Variants in EIF4E3 observed in about 807,000 individuals in gnomAD.
EIF4E3 encodes eukaryotic translation initiation factor 4E family member 3, also known as eukaryotic translation initiation factor 4E type 3.
A neutral mutation model predicts 31.7 loss-of-function variants in EIF4E3; 26 were observed. That is an observed-to-expected ratio of 0.82 (90% CI 0.60 to 1.14). EIF4E3 has a LOEUF of 1.14. Ranked by LOEUF, EIF4E3 falls within the 50% of genes most tolerant of loss-of-function variation. The pLI is 0.00. For missense variants in EIF4E3, 304 were observed against 270.9 expected (o/e 1.12, Z -0.86); for synonymous variants, 128 against 107.7 (o/e 1.19, Z -1.17).
the EIF4E3 span, among the ~76,000 whole-genome samples, chr3:71,659,941 G>C: frequency 1.3e-5 from 2 of 152,128 alleles, no homozygotes; most frequent in African/African-American, 4.8e-5. Context: ...CTAGGACTTT[G>C]CTATTCAGCC....
chr3:71,717,949 A>G (rs1181594554), intron 1 of EIF4E3, among the ~76,000 whole-genome samples: 2 of 152,260 alleles, frequency 1.3e-5, no homozygotes, highest in Admixed American at 1.3e-4. Flanking sequence ...TATGTGGTAC[A>G]GTATATCCAA....
chr3:71,723,353 A>G (rs1304160774), intron 1 of EIF4E3, among the ~76,000 whole-genome samples: 1 of 152,246 alleles, frequency 6.6e-6, no homozygotes, highest in Non-Finnish European at 1.5e-5. Flanking sequence ...CATATGTACA[A>G]TATTGGAACT....
chr3:71,748,556 C>A (rs948173258), intron 1 of EIF4E3, among the ~76,000 whole-genome samples: 1 of 152,078 alleles, frequency 6.6e-6, no homozygotes, highest in African/African-American at 2.4e-5. Context: ...AGAAGAATAC[C>A]TGTGGATGCA....
At chr3:71,662,975 G>C in the EIF4E3 span, among the ~76,000 whole-genome samples, 1 of 152,082 alleles carries the variant, frequency 6.6e-6, no homozygotes. Flanking sequence ...TTTGCATCTG[G>C]GGCTAATTCT....
chr3:71,720,020 T>C (rs993919427), intron 1 of EIF4E3, among the ~76,000 whole-genome samples: 16 of 151,624 alleles, frequency 1.1e-4, no homozygotes, highest in South Asian at 6.2e-4. Flanking sequence ...TCAAAATATA[T>C]ATATATATTC....
intron 1 of EIF4E3, among the ~76,000 whole-genome samples, chr3:71,745,082 C>T (rs769778486): frequency 2.6e-5 from 4 of 152,190 alleles, no homozygotes; most frequent in Non-Finnish European, 4.4e-5. Context: ...TAAGGAGAAT[C>T]GAACCCAAGT....
intron 6 of EIF4E3, among the ~76,000 whole-genome samples, chr3:71,687,591 A>AATTCTC (rs1295344798): frequency 1.4e-4 from 21 of 152,224 alleles, no homozygotes; most frequent in African/African-American, 4.6e-4. Flanking sequence ...CACACCAGAA[A>AATTCTC]AGACCTTTGT....
At chr3:71,703,712 A>G (rs115942100) in intron 2 of EIF4E3, among the ~76,000 whole-genome samples, 4,406 of 151,210 alleles carry the variant, frequency 0.029, 91 homozygotes, top group African/African-American at 0.057. Flanking sequence ...GCACTTGGAA[A>G]TTCTTCAGAA....
intron 6 of EIF4E3, among the ~76,000 whole-genome samples, chr3:71,685,659 A>G (rs1456586546): frequency 6.6e-6 from 1 of 152,230 alleles, no homozygotes. Context: ...CACCAGGCCC[A>G]GCCGGAACTC....
chr3:71,754,022 G>A (rs2049969453), upstream of EIF4E3: 1 of 1,140,940 alleles, frequency 8.8e-7, no homozygotes, highest in Non-Finnish European at 1.1e-6. This position sits in a 1 kb window ranked among gnomAD's most constrained non-coding sequence, Gnocchi z 5.8. Flanking sequence ...CGGCCCCGGG[G>A]CGGAGCGCAC....
chr3:71,713,272 T>G (rs2049410697), intron 1 of EIF4E3, among the ~76,000 whole-genome samples: 1 of 152,214 alleles, frequency 6.6e-6, no homozygotes, highest in South Asian at 2.1e-4. Flanking sequence ...CACAAATATG[T>G]GATTTGAATA....
chr3:71,673,981 A>G (rs568679014), downstream of EIF4E3, among the ~76,000 whole-genome samples: 11 of 146,384 alleles, frequency 7.5e-5, no homozygotes, highest in East Asian at 2.0e-3. Context: ...GCTTCTCACA[A>G]TTGTCCCCTC....
At chr3:71,706,362 T>C (rs115944048) in intron 2 of EIF4E3, among the ~76,000 whole-genome samples, 48 of 152,326 alleles carry the variant, frequency 3.2e-4, no homozygotes, top group African/African-American at 1.1e-3. Context: ...CCATCTACTT[T>C]GATTTGCTAA....
intron 5 of EIF4E3, among the ~76,000 whole-genome samples, chr3:71,692,943 CA>C: frequency 6.6e-6 from 1 of 152,220 alleles, no homozygotes; most frequent in South Asian, 2.1e-4. Context: ...GTAAGCAAAA[CA>C]GAAGTGGAAT....
chr3:71,688,635 A>G (rs909227759), intron 6 of EIF4E3, among the ~76,000 whole-genome samples: 1 of 152,226 alleles, frequency 6.6e-6, no homozygotes, highest in African/African-American at 2.4e-5. Flanking sequence ...ATAAATGCCA[A>G]TGAAATACAC....
downstream of EIF4E3, among the ~76,000 whole-genome samples, chr3:71,674,579 T>G (rs1347700994): frequency 1.3e-5 from 2 of 152,132 alleles, no homozygotes; most frequent in African/African-American, 4.8e-5. Flanking sequence ...GGTAGAAAGA[T>G]CATAAACAAG....
intron 1 of EIF4E3, among the ~76,000 whole-genome samples, chr3:71,713,862 C>A (rs1228785570): frequency 6.6e-6 from 1 of 152,096 alleles, no homozygotes; most frequent in Non-Finnish European, 1.5e-5. Flanking sequence ...TTACACTCAA[C>A]AAGAGCTCTA....
At chr3:71,663,032 T>C in the EIF4E3 span, among the ~76,000 whole-genome samples, 1 of 152,204 alleles carries the variant, frequency 6.6e-6, no homozygotes, top group East Asian at 1.9e-4. Context: ...TCTTGGGTTC[T>C]AGCCCATGAA....
At chr3:71,745,849 C>T (rs1239947256) in intron 1 of EIF4E3, among the ~76,000 whole-genome samples, 1 of 152,090 alleles carries the variant, frequency 6.6e-6, no homozygotes, top group Non-Finnish European at 1.5e-5. Flanking sequence ...CTTTTTTTCT[C>T]ACTTGGAGCC....
Sources: gnomAD v4.1 joint callset for allele counts (sites outside exome capture counted in the v4.1 genomes callset) on GRCh38, gnomAD v4.1.1 for gene constraint, Gnocchi (gnomAD v3.1) non-coding constraint, MANE v1.5 for transcripts, NCBI Gene and HGNC (gene_info 2026-07-23, HGNC 2026-07-21) for gene names.